The following TNS3 variants were observed in gnomAD, a reference collection of about 807,000 sequenced individuals.
The protein encoded by TNS3 is tensin-3.
In TNS3, 45 loss-of-function variants were observed where a neutral mutation model predicts 140.9. The ratio of observed to expected loss-of-function variants is 0.32; its 90% CI spans 0.25 to 0.41. TNS3 has a LOEUF of 0.41. TNS3 is among the 10% of genes least tolerant of loss of function. The pLI is 1.00. For synonymous variants in TNS3, 815 were observed against 788.4 expected (o/e 1.03, Z -0.56); for missense variants, 1,716 against 1,906.7 (o/e 0.90, Z 1.86).
chr7:47,530,451 G>C (rs940940824), intron 1 of TNS3, among the ~76,000 whole-genome samples: 10 of 152,012 alleles, frequency 6.6e-5, no homozygotes, highest in Non-Finnish European at 1.5e-4. Context: ...GGCAGGGAAG[G>C]GGGGATATTT....
chr7:47,293,932 T>G, intron 24 of TNS3, 104 bp from the exon 25 acceptor site: 1 of 1,034,818 alleles, frequency 9.7e-7, no homozygotes, highest in Non-Finnish European at 1.5e-6. Context: ...GAAAAGGCTC[T>G]TCTCTGAATA....
intron 6 of TNS3, among the ~76,000 whole-genome samples, chr7:47,437,652 T>C (rs1276198527): frequency 2.0e-5 from 3 of 150,980 alleles, no homozygotes; most frequent in African/African-American, 7.3e-5. Flanking sequence ...AAAGTCTATA[T>C]TCTACTTCTT....
chr7:47,580,757 A>T (rs1784509456), intron 1 of TNS3, among the ~76,000 whole-genome samples: 1 of 152,218 alleles, frequency 6.6e-6, no homozygotes, highest in Non-Finnish European at 1.5e-5. Context: ...GAAAGCATGA[A>T]AGCAATTTAA....
chr7:47,551,513 C>A (rs1562851266), intron 1 of TNS3, among the ~76,000 whole-genome samples: 2 of 152,186 alleles, frequency 1.3e-5, no homozygotes, highest in African/African-American at 4.8e-5. Flanking sequence ...GCAGGGGAGC[C>A]TTTGGCTGGG....
At chr7:47,322,520 T>TCAAA (rs896767801) in intron 20 of TNS3, among the ~76,000 whole-genome samples, 84 of 149,980 alleles carry the variant, frequency 5.6e-4, no homozygotes, top group African/African-American at 1.8e-3. Flanking sequence ...AGACTCCGTA[T>TCAAA]CAAACAAACA....
chr7:47,561,113 GT>G (rs370239176), intron 1 of TNS3, among the ~76,000 whole-genome samples: 78 of 152,340 alleles, frequency 5.1e-4, no homozygotes, highest in African/African-American at 1.9e-3. Context: ...ACTTCAGAGG[GT>G]AAGCTAGGAC....
intron 9 of TNS3, among the ~76,000 whole-genome samples, chr7:47,428,108 A>G (rs1794750167): frequency 6.6e-6 from 1 of 152,154 alleles, no homozygotes; most frequent in African/African-American, 2.4e-5. Context: ...CAGTCACCCA[A>G]CCTGGAAAAT....
At chr7:47,322,738 C>G (rs573707180) in intron 20 of TNS3, among the ~76,000 whole-genome samples, 17 of 152,146 alleles carry the variant, frequency 1.1e-4, no homozygotes, top group Non-Finnish European at 2.4e-4. Flanking sequence ...GAGTGCAGTG[C>G]TCAAGCTGGA....
chr7:47,503,022 A>G (rs1271512537), intron 3 of TNS3, among the ~76,000 whole-genome samples: 3 of 152,102 alleles, frequency 2.0e-5, no homozygotes, highest in African/African-American at 7.2e-5. Flanking sequence ...TTCCTGGATT[A>G]AAGGGGGAGC....
chr7:47,339,509 G>A (rs1788824297), intron 20 of TNS3, among the ~76,000 whole-genome samples: 1 of 152,090 alleles, frequency 6.6e-6, no homozygotes, highest in Admixed American at 6.5e-5. Context: ...TATCTGTGTA[G>A]GCCTGTTTCT....
chr7:47,346,382 G>A (rs1207682287), intron 17 of TNS3, 26 bp from the exon 18 acceptor site: 1 of 1,611,952 alleles, frequency 6.2e-7, no homozygotes, highest in Non-Finnish European at 8.5e-7. Flanking sequence ...CAAGCAGGCT[G>A]CAGGGCGCTT....
chr7:47,415,602 T>C (rs993922711), intron 10 of TNS3, among the ~76,000 whole-genome samples: 3 of 152,244 alleles, frequency 2.0e-5, no homozygotes, highest in Non-Finnish European at 4.4e-5. Context: ...ATTGCACCTA[T>C]GGCAGGGTCA....
intron 6 of TNS3, among the ~76,000 whole-genome samples, chr7:47,437,745 TACACAC>T (rs67341898): frequency 0.011 from 1,535 of 135,794 alleles, 28 homozygotes; most frequent in African/African-American, 0.033. Context: ...ACATATAGGA[TACACAC>T]ACACACACAC....
intron 20 of TNS3, among the ~76,000 whole-genome samples, chr7:47,310,267 A>G (rs1363146117): frequency 2.0e-5 from 3 of 152,210 alleles, no homozygotes; most frequent in African/African-American, 7.2e-5. Flanking sequence ...GCTGCTACGA[A>G]TCTAAAAAAG....
chr7:47,443,234 C>T (rs2151585682), intron 4 of TNS3, among the ~76,000 whole-genome samples: 1 of 152,328 alleles, frequency 6.6e-6, no homozygotes, highest in South Asian at 2.1e-4. Context: ...CAGGGCCAGT[C>T]TCATGGAGCT....
intron 18 of TNS3, 30 bp from the exon 19 acceptor site, chr7:47,345,068 G>GAACAGGGAGTC (rs1562617381): frequency 6.3e-7 from 1 of 1,580,212 alleles, no homozygotes; most frequent in South Asian, 1.1e-5. Context: ...TAGAATGTGA[G>GAACAGGGAGTC]AACAGGGAGT....
intron 23 of TNS3, among the ~76,000 whole-genome samples, chr7:47,300,667 G>A (rs990229119): frequency 4.6e-5 from 7 of 152,228 alleles, no homozygotes; most frequent in Admixed American, 3.3e-4. Context: ...TGCCCTAGAA[G>A]ACGGCACCAA....
intron 14 of TNS3, 141 bp downstream of exon 14, chr7:47,400,644 G>T: frequency 7.0e-7 from 1 of 1,436,038 alleles, no homozygotes; most frequent in Non-Finnish European, 9.5e-7. Flanking sequence ...AGGGATCAAT[G>T]ATCATTTTCT....
intron 24 of TNS3, among the ~76,000 whole-genome samples, chr7:47,294,566 T>C (rs1785896771): frequency 6.6e-6 from 1 of 152,220 alleles, no homozygotes; most frequent in African/African-American, 2.4e-5. Flanking sequence ...CAGTGCTTCC[T>C]TCATCACCCT....
Sources: allele counts gnomAD v4.1 joint callset (sites outside exome capture counted in the v4.1 genomes callset), GRCh38; gene constraint gnomAD v4.1.1; transcripts MANE v1.5; gene names NCBI Gene and HGNC (gene_info 2026-07-23, HGNC 2026-07-21).